The following KIF5C variants were observed in gnomAD, a reference collection of about 807,000 sequenced individuals.
The protein encoded by KIF5C is kinesin heavy chain isoform 5C.
A neutral mutation model predicts 125.2 loss-of-function variants in KIF5C; 18 were observed. The ratio of observed to expected loss-of-function variants is 0.14; its 90% CI spans 0.10 to 0.21. The LOEUF (loss-of-function observed/expected upper bound fraction) is 0.21, where lower values mean the gene tolerates loss of function less well. Among genes scored for constraint, KIF5C ranks in the 10% least tolerant of loss-of-function variants. The pLI is 1.00. For missense variants in KIF5C, 780 were observed against 1,183.8 expected, an observed-to-expected ratio of 0.66 and a Z score of 5.01; for synonymous variants, 405 against 434.0, an observed-to-expected ratio of 0.93 and a Z score of 0.83.
At chr2:148,936,940 T>A (rs1682303600) in intron 3 of KIF5C, among the ~76,000 whole-genome samples, 1 of 152,188 alleles carries the variant, frequency 6.6e-6, no homozygotes, top group African/African-American at 2.4e-5. Context: ...CCATATATTC[T>A]CGTTCCTTCT....
chr2:148,890,335 C>A (rs943707483), intron 1 of KIF5C, among the ~76,000 whole-genome samples: 1 of 151,962 alleles, frequency 6.6e-6, no homozygotes, highest in Non-Finnish European at 1.5e-5. Flanking sequence ...CCTGCCTCTA[C>A]AGAATATTTT....
chr2:148,982,881 A>G (rs1176679816), intron 14 of KIF5C, among the ~76,000 whole-genome samples: 1 of 152,242 alleles, frequency 6.6e-6, no homozygotes, highest in Non-Finnish European at 1.5e-5. Context: ...CTAGCTGCAT[A>G]TGGGAGAATT....
At chr2:148,988,154 A>ATT (rs61484332) in intron 15 of KIF5C, among the ~76,000 whole-genome samples, 46 of 146,074 alleles carry the variant, frequency 3.1e-4, no homozygotes, top group Middle Eastern at 3.6e-3. Context: ...CAGCAAACTG[A>ATT]TTTTTTTTTT....
intron 25 of KIF5C, among the ~76,000 whole-genome samples, chr2:149,021,438 TC>T (rs1682532237): frequency 6.6e-6 from 1 of 152,130 alleles, no homozygotes; most frequent in South Asian, 2.1e-4. Flanking sequence ...GTTCCGTATT[TC>T]TTCTCCCTTT....
intron 1 of KIF5C, among the ~76,000 whole-genome samples, chr2:148,917,722 G>A (rs534184854): frequency 2.6e-5 from 4 of 152,360 alleles, no homozygotes; most frequent in Non-Finnish European, 5.9e-5. Context: ...GTACTCCTCA[G>A]TGTCAGAAGG....
intron 2 of KIF5C, among the ~76,000 whole-genome samples, chr2:148,922,441 T>G (rs1681826497): frequency 6.6e-6 from 1 of 152,242 alleles, no homozygotes. Context: ...GGACATGTCT[T>G]TATTTCTTTT....
At chr2:148,892,455 A>G (rs116388892) in intron 1 of KIF5C, among the ~76,000 whole-genome samples, 126 of 152,344 alleles carry the variant, frequency 8.3e-4, no homozygotes, top group South Asian at 1.7e-3. Flanking sequence ...CGACTATAGG[A>G]GAAGAGAGCT....
In KIF5C at chr2:148,969,258, G is replaced by A. The variant is rs1207213033; in HGVS notation, c.1118-4078G>A. On this transcript the variant is annotated intron_variant, in intron 11 of 25. Transcript: ENST00000435030. ...TATTTTTTGTAGAAATGTTATTTAC[G>A]CCCTCTGGGAGTTTTTATTTTATAA... 2.6e-5 allele frequency among the ~76,000 whole-genome samples: 4 copies of A among 152,088 alleles called. 1 individual carries two copies. Among genetic ancestry groups the A allele is most frequent in the East Asian group, 3.8e-4 (2 of 5,198 alleles).
At chr2:148,947,380 G>A (rs980590428) in intron 8 of KIF5C, 7 of 209,974 alleles carry the variant, frequency 3.3e-5, no homozygotes, top group Non-Finnish European at 6.6e-5. Context: ...TGTTGTACCC[G>A]ACTCTAATAG....
intron 1 of KIF5C, among the ~76,000 whole-genome samples, chr2:148,903,385 C>T (rs1345967939): frequency 6.6e-6 from 1 of 152,198 alleles, no homozygotes; most frequent in African/African-American, 2.4e-5. Context: ...GCCCTTCTCC[C>T]TCCTTGAAAG....
intron 10 of KIF5C, among the ~76,000 whole-genome samples, chr2:148,953,709 G>A (rs538798694): frequency 6.6e-6 from 1 of 152,264 alleles, no homozygotes; most frequent in African/African-American, 2.4e-5. Context: ...GTACACGTTT[G>A]TTCTGCTTGA....
At chr2:148,888,264 C>T (rs1308439277) in intron 1 of KIF5C, 2 of 152,234 alleles carry the variant, frequency 1.3e-5, no homozygotes, top group Admixed American at 6.5e-5. Flanking sequence ...GGAGCGACGC[C>T]GTGATGCAAA....
chr2:148,987,649 C>T (rs1681416118), intron 15 of KIF5C, among the ~76,000 whole-genome samples: 1 of 151,872 alleles, frequency 6.6e-6, no homozygotes, highest in Non-Finnish European at 1.5e-5. Flanking sequence ...TCTGGGGTCT[C>T]CTTGGCCACG....
At chr2:148,952,723 G>A (rs1049086320) in intron 10 of KIF5C, among the ~76,000 whole-genome samples, 4 of 152,114 alleles carry the variant, frequency 2.6e-5, no homozygotes, top group African/African-American at 9.7e-5. Flanking sequence ...ATATAATAAT[G>A]CCTACTTTCA....
chr2:148,945,093 G>A (rs1002177015), intron 7 of KIF5C, among the ~76,000 whole-genome samples: 1 of 152,008 alleles, frequency 6.6e-6, no homozygotes, highest in Admixed American at 6.5e-5. Flanking sequence ...TCCATGGATT[G>A]CTTTTTTACA....
intron 1 of KIF5C, among the ~76,000 whole-genome samples, chr2:148,887,584 C>T (rs1380130213): frequency 1.1e-4 from 17 of 152,134 alleles, no homozygotes; most frequent in Admixed American, 1.1e-3. Context: ...ACAGAGAAAG[C>T]ACATTCGATT....
chr2:148,985,146 T>C (rs1301919150), intron 15 of KIF5C, among the ~76,000 whole-genome samples: 1 of 151,930 alleles, frequency 6.6e-6, no homozygotes, highest in Non-Finnish European at 1.5e-5. Flanking sequence ...GTGGGGATAA[T>C]AGGGGTGGTA....
intron 25 of KIF5C, among the ~76,000 whole-genome samples, chr2:149,021,477 A>G (rs1558953519): frequency 6.6e-6 from 1 of 151,686 alleles, no homozygotes; most frequent in Non-Finnish European, 1.5e-5. Flanking sequence ...TATCTGCTTT[A>G]ATAACCCCTT....
At chr2:148,961,916 G>A in intron 10 of KIF5C, 55 bp from the exon 11 acceptor site, 4 of 1,571,928 alleles carry the variant, frequency 2.5e-6, no homozygotes, top group Non-Finnish European at 2.6e-6. Flanking sequence ...TAATCATATT[G>A]GTTTAGCTAA....
Sources: gnomAD v4.1 joint callset for allele counts (sites outside exome capture counted in the v4.1 genomes callset) on GRCh38, gnomAD v4.1.1 for gene constraint, MANE v1.5 for transcripts, NCBI Gene and HGNC (gene_info 2026-07-23, HGNC 2026-07-21) for gene names.